The following NDST1 variants were observed in gnomAD, a reference collection of about 807,000 sequenced individuals.
NDST1 encodes the protein bifunctional heparan sulfate N-deacetylase/N-sulfotransferase 1.
Under a neutral mutation model 92.8 loss-of-function variants are expected in NDST1, and 35 were observed. That is an observed-to-expected ratio of 0.38 (90% CI 0.29 to 0.50). NDST1 has a LOEUF of 0.50. Ranked by LOEUF, NDST1 falls within the 20% of genes least tolerant of loss-of-function variation. The probability of loss-of-function intolerance (pLI) is 0.94; values close to 1 mark genes in which losing one functional copy is unlikely to be tolerated. For missense variants in NDST1, 822 were observed against 1,182.7 expected, an observed-to-expected ratio of 0.69 and a Z score of 4.47; for synonymous variants, 493 against 500.3, an observed-to-expected ratio of 0.99 and a Z score of 0.19.
In NDST1 at chr5:150,541,650, C is replaced by T. The variant is rs771070360; in HGVS notation, c.1830C>T (p.Ile610=). 42 of 1,614,038 alleles carry T rather than the reference C, an allele frequency of 2.6e-5. No individual in the cohort carries two copies. The highest frequency in any genetic ancestry group is 3.1e-5 in the Non-Finnish European group (37 of 1,180,022). The change falls in exon 9 of 15, where the codon ATC becomes ATT. Residue 610 remains isoleucine (I), a synonymous_variant. Transcript: ENST00000261797. ...ACCGCTTCCCAAAGCTCCTCATCAT[C>T]GGCCCCCAGAAAACAGGCAGGTCTC... is the stretch of plus-strand genomic sequence containing the variant. ...TCDRFPKLLI[I]GPQKTGTTAL...
intron 10 of NDST1, among the ~76,000 whole-genome samples, 188 bp downstream of exon 10, chr5:150,543,159 T>G (rs1755321683): frequency 6.6e-6 from 1 of 152,204 alleles, no homozygotes; most frequent in Admixed American, 6.5e-5. Flanking sequence ...GGACACTCGA[T>G]GAGGAGGCCC....
chr5:150,517,965 C>T (rs1019223892), intron 1 of NDST1, among the ~76,000 whole-genome samples: 2 of 152,232 alleles, frequency 1.3e-5, no homozygotes, highest in Non-Finnish European at 2.9e-5. Context: ...TGGGGCTGGG[C>T]TGCGGCCACA....
At chr5:150,517,408 G>A (rs749935337) in intron 1 of NDST1, among the ~76,000 whole-genome samples, 65 of 152,114 alleles carry the variant, frequency 4.3e-4, no homozygotes, top group Non-Finnish European at 7.4e-4. Context: ...CCAGGGTCAG[G>A]GGACTGCAGG....
Position 150,549,411 on chromosome 5 carries a change from T to C in NDST1, c.2317-267T>C, listed in dbSNP as rs576888381. Among the ~76,000 whole-genome samples, 796 of 152,274 alleles carry C rather than the reference T, an allele frequency of 5.2e-3. 2 individuals carry two copies. Among genetic ancestry groups the C allele is most frequent in the Non-Finnish European group, 9.3e-3 (635 of 68,016 alleles). ...CAGAGAGAGGCCAGAGAGGGATGTTTGTAGGGACCTGAGGGGCAGGCAGGG... is the reference window on the plus strand; with the variant it reads ...CAGAGAGAGGCCAGAGAGGGATGTTCGTAGGGACCTGAGGGGCAGGCAGGG... On this transcript the variant is annotated intron_variant, in intron 12 of 14. Coordinates refer to ENST00000261797, the MANE Select transcript of NDST1 (RefSeq NM_001543.5).
At chr5:150,525,277 G>C (rs1464521759) in intron 2 of NDST1, among the ~76,000 whole-genome samples, 1 of 152,216 alleles carries the variant, frequency 6.6e-6, no homozygotes, top group Non-Finnish European at 1.5e-5. Context: ...TCAGTGACTT[G>C]GCTTCCTCCC....
rs1754558056 is a variant in NDST1, at chr5:150,528,289, G to A, written c.999G>A (p.Glu333=). Reference sequence around the variant, plus strand: ...AGGAGGGCACACGCATGAAGGTGGAGGACGTGAAGGTATGGCCGGGGGTGC... The same window carrying A: ...AGGAGGGCACACGCATGAAGGTGGAAGACGTGAAGGTATGGCCGGGGGTGC... ...VGKEGTRMKV[E]DVKALFDTQN... Residue 333 remains glutamate, a synonymous_variant, in exon 3 of 15, where the codon GAG becomes GAA. Transcript: ENST00000261797. 19 of 1,595,828 alleles carry A rather than the reference G, an allele frequency of 1.2e-5. No individual in the cohort carries two copies. Among genetic ancestry groups the A allele is most frequent in the Non-Finnish European group, 1.5e-5 (17 of 1,166,680 alleles).
chr5:150,532,125 A>G (rs376666611), intron 3 of NDST1, among the ~76,000 whole-genome samples: 1 of 152,150 alleles, frequency 6.6e-6, no homozygotes, highest in East Asian at 1.9e-4. Context: ...TTTTACGTAC[A>G]ATATCTTTTT....
intron 11 of NDST1, among the ~76,000 whole-genome samples, chr5:150,547,578 T>C (rs989246076): frequency 6.6e-6 from 1 of 152,260 alleles, no homozygotes; most frequent in Non-Finnish European, 1.5e-5. Context: ...ATGCTCACTT[T>C]AGTGCAAGTG....
chr5:150,515,694 G>A (rs1196871117), intron 1 of NDST1, among the ~76,000 whole-genome samples: 1 of 152,216 alleles, frequency 6.6e-6, no homozygotes, highest in African/African-American at 2.4e-5. Context: ...TGCTGGTGAT[G>A]TCTGCAAGGC....
chr5:150,522,270 G>A (rs1454715824), intron 2 of NDST1, among the ~76,000 whole-genome samples: 2 of 152,088 alleles, frequency 1.3e-5, no homozygotes, highest in Non-Finnish European at 2.9e-5. Context: ...TGGTGGTGGA[G>A]TATGGCGTTA....
At chr5:150,523,805 T>C (rs1240878528) in intron 2 of NDST1, among the ~76,000 whole-genome samples, 1 of 152,082 alleles carries the variant, frequency 6.6e-6, no homozygotes, top group African/African-American at 2.4e-5. Context: ...TAGGGAGGGG[T>C]GCGGGCATGT....
intron 3 of NDST1, 29 bp from the exon 4 acceptor site, chr5:150,532,916 C>T: frequency 6.2e-7 from 1 of 1,605,442 alleles, no homozygotes; most frequent in Non-Finnish European, 8.5e-7. Flanking sequence ...CTTTCCCTCA[C>T]TCATTCCTTT....
rs973695115 is a variant in NDST1 at position 150,556,249 on chromosome 5, G to A, written c.*2917G>A. On this transcript the variant is annotated 3_prime_UTR_variant, in exon 15 of 15. Coordinates refer to ENST00000261797, the MANE Select transcript of NDST1 (RefSeq NM_001543.5). ...TTTGCCCCAGGGTGGGTGCAGGTGCGAGTGTCACCTGCAGCTGCCTCAGTC... is the reference window on the plus strand; with the variant it reads ...TTTGCCCCAGGGTGGGTGCAGGTGCAAGTGTCACCTGCAGCTGCCTCAGTC... The A allele has an allele frequency of 6.6e-6, 1 of 152,214 alleles. No homozygotes were observed. Among genetic ancestry groups the A allele is most frequent in the Non-Finnish European group, 1.5e-5 (1 of 68,048 alleles). The allele number at this position is 152,214 out of a possible 1,614,324, so 9.4% of individuals were successfully genotyped here.
At chr5:150,539,537 C>A in intron 7 of NDST1, 181 bp downstream of exon 7, 1 of 1,468,130 alleles carries the variant, frequency 6.8e-7, no homozygotes, top group South Asian at 1.3e-5. Flanking sequence ...GCTAAAGAAT[C>A]CGAGCATGCT....
chr5:150,545,556 C>G, intron 11 of NDST1, 70 bp downstream of exon 11: 1 of 1,570,756 alleles, frequency 6.4e-7, no homozygotes, highest in Non-Finnish European at 8.7e-7. Flanking sequence ...GTTACTCACT[C>G]ACTCAACAGA....
chr5:150,522,464 G>C (rs566288492), intron 2 of NDST1, among the ~76,000 whole-genome samples: 2 of 151,910 alleles, frequency 1.3e-5, no homozygotes, highest in Non-Finnish European at 2.9e-5. Context: ...AATGGTGGGC[G>C]GGGGATCCAG....
chr5:150,517,190 C>G (rs933217627), intron 1 of NDST1, among the ~76,000 whole-genome samples: 1 of 152,012 alleles, frequency 6.6e-6, no homozygotes, highest in Non-Finnish European at 1.5e-5. Flanking sequence ...CTCGCTCTGT[C>G]GCTCAGGCTG....
At chr5:150,549,836 C>T (rs1755643786) in intron 13 of NDST1, 49 bp downstream of exon 13, 1 of 1,175,090 alleles carries the variant, frequency 8.5e-7, no homozygotes. Flanking sequence ...GATAAGGCAC[C>T]TGGGCCAACA....
At chr5:150,530,279 C>T (rs907039845) in intron 3 of NDST1, among the ~76,000 whole-genome samples, 8 of 152,206 alleles carry the variant, frequency 5.3e-5, no homozygotes, top group African/African-American at 1.9e-4. Context: ...AAAGGCTCTC[C>T]TGTTTAAAGA....
Sources: allele counts gnomAD v4.1 joint callset (sites outside exome capture counted in the v4.1 genomes callset), GRCh38; gene constraint gnomAD v4.1.1; transcripts MANE v1.5; gene names NCBI Gene and HGNC (gene_info 2026-07-23, HGNC 2026-07-21).